CDYL2: variants seen among roughly 807,000 people sequenced by gnomAD.
CDYL2 encodes chromodomain Y-like protein 2.
In CDYL2, 23 loss-of-function variants were observed where a neutral mutation model predicts 49.4. That is an observed-to-expected ratio of 0.47 (90% confidence interval 0.34 to 0.66). CDYL2 has a LOEUF of 0.66. Among genes scored for constraint, CDYL2 ranks in the 30% least tolerant of loss-of-function variants. CDYL2 has a pLI of 0.01. For synonymous variants in CDYL2, 360 were observed against 268.8 expected, an observed-to-expected ratio of 1.34 and a Z score of -3.32; for missense variants, 678 against 656.4, an observed-to-expected ratio of 1.03 and a Z score of -0.36.
At chr16:80,757,478 T>G (rs1466188943) in intron 1 of CDYL2, among the ~76,000 whole-genome samples, 1 of 150,452 alleles carries the variant, frequency 6.6e-6, no homozygotes, top group African/African-American at 2.4e-5. Flanking sequence ...AGTTCAAGGC[T>G]GCAGTAAGCT....
At chr16:80,711,708 G>C (rs1035619975) in intron 1 of CDYL2, among the ~76,000 whole-genome samples, 1 of 152,048 alleles carries the variant, frequency 6.6e-6, no homozygotes, top group Middle Eastern at 3.2e-3. Flanking sequence ...TTAAATGTTT[G>C]AAAAGGCAAC....
chr16:80,604,475 T>C lies in CDYL2; in HGVS notation c.1434A>G (p.Glu478=), dbSNP rs777726111. 13 of 1,614,040 alleles carry C rather than the reference T, an allele frequency of 8.1e-6. No individual in the cohort carries two copies. In the South Asian group the frequency reaches 9.9e-5, roughly 12 times the overall value. The change falls in exon 7 of 7, where the codon GAA becomes GAG. Residue 478 remains glutamate, a synonymous_variant. Transcript: ENST00000570137. The stretch of plus-strand genomic sequence containing the variant: ...TCCAGAGCTGCTTGAGCATGAGGCA[T>C]TCCTTCTCGTTCACGTCTTCCAGCA... ...KSVLEDVNEK[E]CLMLKQLWSS...
chr16:80,778,948 A>G (rs757317108), intron 1 of CDYL2, among the ~76,000 whole-genome samples: 68 of 152,212 alleles, frequency 4.5e-4, no homozygotes, highest in Non-Finnish European at 6.9e-4. Flanking sequence ...CCATATCCCT[A>G]CTTCACATAA....
At chr16:80,739,769 A>G (rs1905670965) in intron 1 of CDYL2, among the ~76,000 whole-genome samples, 1 of 152,184 alleles carries the variant, frequency 6.6e-6, no homozygotes, top group Admixed American at 6.5e-5. Context: ...AGAGACAGAG[A>G]GGTCACTGCC....
chr16:80,678,476 G>T (rs1381998226), intron 2 of CDYL2, among the ~76,000 whole-genome samples: 2 of 152,114 alleles, frequency 1.3e-5, no homozygotes, highest in African/African-American at 2.4e-5. Context: ...CTTCTCAAAA[G>T]AAGACATTTA....
At chr16:80,697,944 G>C (rs1283463450) in intron 1 of CDYL2, among the ~76,000 whole-genome samples, 1 of 152,026 alleles carries the variant, frequency 6.6e-6, no homozygotes. Context: ...TGGATTGGAA[G>C]AATATTGTTA....
chr16:80,774,442 T>G (rs1215133252), intron 1 of CDYL2, among the ~76,000 whole-genome samples: 2 of 152,084 alleles, frequency 1.3e-5, no homozygotes, highest in Non-Finnish European at 2.9e-5. Context: ...GGTGCAAAGC[T>G]TCAGTTAGAC....
At position 80,695,517 on chromosome 16, in the gene CDYL2, C is replaced by T. The variant is rs115300274; in HGVS notation, c.25-10388G>A. ...GCTGCCTATAAGAAATTCACTTCACCTGTAAAGACACAAACAGATTGAAAG... is the reference window on the plus strand; with the variant it reads ...GCTGCCTATAAGAAATTCACTTCACTTGTAAAGACACAAACAGATTGAAAG... On this transcript the variant is annotated intron_variant, in intron 1 of 6. Coordinates refer to ENST00000570137, the MANE Select transcript of CDYL2 (RefSeq NM_152342.4). Among the ~76,000 whole-genome samples, 1,078 of 152,258 alleles carry T rather than the reference C, an allele frequency of 7.1e-3. 12 individuals are homozygous for T. The highest frequency in any genetic ancestry group is 0.024 in the African/African-American group (1,007 of 41,538).
intron 2 of CDYL2, among the ~76,000 whole-genome samples, chr16:80,673,048 T>C (rs1909595911): frequency 6.6e-6 from 1 of 152,218 alleles, no homozygotes; most frequent in Non-Finnish European, 1.5e-5. Context: ...CCGGGCGTGG[T>C]GGCTCATGCC....
intron 1 of CDYL2, among the ~76,000 whole-genome samples, chr16:80,763,873 C>T (rs1340904557): frequency 6.6e-6 from 1 of 151,770 alleles, no homozygotes; most frequent in Non-Finnish European, 1.5e-5. Flanking sequence ...TGCTGGGAGA[C>T]CATAAGTAAG....
At chr16:80,799,663 T>C (rs1434219680) in intron 1 of CDYL2, among the ~76,000 whole-genome samples, 4 of 152,184 alleles carry the variant, frequency 2.6e-5, no homozygotes, top group Admixed American at 2.6e-4. Context: ...ATCAACTCCT[T>C]ACTAGGACAG....
chr16:80,676,463 T>A (rs1294760429), intron 2 of CDYL2, among the ~76,000 whole-genome samples: 1 of 152,046 alleles, frequency 6.6e-6, no homozygotes, highest in African/African-American at 2.4e-5. Context: ...CACCAGATAG[T>A]GTGGGGCCAC....
intron 1 of CDYL2, among the ~76,000 whole-genome samples, chr16:80,698,038 A>G (rs1904283256): frequency 6.6e-6 from 1 of 152,230 alleles, no homozygotes; most frequent in Non-Finnish European, 1.5e-5. Flanking sequence ...AGAAATAGAA[A>G]AAAAAATCCT....
At chr16:80,672,160 G>A (rs937420614) in intron 2 of CDYL2, among the ~76,000 whole-genome samples, 1 of 152,074 alleles carries the variant, frequency 6.6e-6, no homozygotes, top group Non-Finnish European at 1.5e-5. Flanking sequence ...TCAGATTTTG[G>A]ACTTGGGGAC....
In CDYL2 at chr16:80,620,757, G is replaced by A. The variant is rs1907043479; in HGVS notation, c.1007+6C>T. ...CCCAGGGTGTGTGAAAAGGAGCACA[G>A]CTCACCTGATGGCTTCTGCAATCCG... On this transcript the variant is annotated splice_donor_region_variant and intron_variant, in intron 4 of 6. Coordinates refer to ENST00000570137, the MANE Select transcript of CDYL2 (RefSeq NM_152342.4). 1 of 1,588,854 alleles carries A rather than the reference G, an allele frequency of 6.3e-7. No individual in the cohort carries two copies. Among genetic ancestry groups the A allele is most frequent in the Non-Finnish European group, 8.6e-7 (1 of 1,162,034 alleles).
At chr16:80,615,719 G>A (rs1274031381) in intron 4 of CDYL2, among the ~76,000 whole-genome samples, 1 of 152,088 alleles carries the variant, frequency 6.6e-6, no homozygotes, top group African/African-American at 2.4e-5. Context: ...CCATGAAACG[G>A]AATCAGGGAC....
At chr16:80,714,159 C>T (rs1003436269) in intron 1 of CDYL2, among the ~76,000 whole-genome samples, 1 of 152,156 alleles carries the variant, frequency 6.6e-6, no homozygotes, top group African/African-American at 2.4e-5. Flanking sequence ...GGAACTTAAG[C>T]ACTGTCCCAG....
At chr16:80,749,051 A>G (rs557570022) in intron 1 of CDYL2, among the ~76,000 whole-genome samples, 10 of 152,214 alleles carry the variant, frequency 6.6e-5, no homozygotes, top group Non-Finnish European at 1.5e-4. Flanking sequence ...TGTGGTTCTA[A>G]CTGTACCTAA....
intron 4 of CDYL2, among the ~76,000 whole-genome samples, chr16:80,618,034 G>A (rs1328382339): frequency 6.6e-6 from 1 of 152,170 alleles, no homozygotes; most frequent in Non-Finnish European, 1.5e-5. Context: ...TGTCAGGGCT[G>A]AGAACCAGTG....
Sources: allele counts gnomAD v4.1 joint callset (sites outside exome capture counted in the v4.1 genomes callset), GRCh38; gene constraint gnomAD v4.1.1; transcripts MANE v1.5; gene names NCBI Gene and HGNC (gene_info 2026-07-23, HGNC 2026-07-21).